The following HTR1E variants were observed in gnomAD, a reference collection of about 807,000 sequenced individuals.
HTR1E encodes 5-HT-1E.
In HTR1E, 3 loss-of-function variants were observed where a neutral mutation model predicts 3.4. The ratio of observed to expected loss-of-function variants is 0.89; its 90% confidence interval spans 0.41 to 2.31. The LOEUF is 2.31. HTR1E is among the 30% of genes most tolerant of loss of function. The pLI, the probability that HTR1E is intolerant of heterozygous loss-of-function variation, is 0.05. For synonymous variants in HTR1E, 170 were observed against 182.8 expected (o/e 0.93, Z 0.56); for missense variants, 392 against 467.0 (o/e 0.84, Z 1.48).
intron 1 of HTR1E, among the ~76,000 whole-genome samples, chr6:87,010,787 C>T (rs1768217393): frequency 6.6e-6 from 1 of 151,554 alleles, no homozygotes; most frequent in South Asian, 2.1e-4. Context: ...TTTGGGAGGC[C>T]AAGGCAGGCG....
At chr6:86,951,241 T>G (rs949805859) in intron 1 of HTR1E, among the ~76,000 whole-genome samples, 4 of 152,170 alleles carry the variant, frequency 2.6e-5, no homozygotes, top group African/African-American at 9.7e-5. Context: ...CGGGATGCAT[T>G]ATTTGGTTGA....
intron 1 of HTR1E, among the ~76,000 whole-genome samples, chr6:86,998,698 AAAGG>A (rs142573242): frequency 0.064 from 9,709 of 152,146 alleles, 499 homozygotes; most frequent in East Asian, 0.14. Flanking sequence ...AAAGTAAGTA[AAAGG>A]AAGGAAATAA....
At chr6:86,986,903 C>T (rs1427634865) in intron 1 of HTR1E, among the ~76,000 whole-genome samples, 1 of 152,036 alleles carries the variant, frequency 6.6e-6, no homozygotes, top group Non-Finnish European at 1.5e-5. Context: ...GCAAAGTCCC[C>T]TTGGCCTCTT....
chr6:86,987,735 C>G (rs1767810656), intron 1 of HTR1E, among the ~76,000 whole-genome samples: 1 of 152,136 alleles, frequency 6.6e-6, no homozygotes, highest in African/African-American at 2.4e-5. Flanking sequence ...ATTCCAAAAT[C>G]AAGACATTAG....
At chr6:86,983,905 T>C (rs718166) in intron 1 of HTR1E, among the ~76,000 whole-genome samples, 24,141 of 152,088 alleles carry the variant, frequency 0.16, 2,535 homozygotes, top group African/African-American at 0.29. Flanking sequence ...TCAAAGACCA[T>C]ATCCTGAATT....
chr6:86,998,231 C>G (rs1275702104), intron 1 of HTR1E, among the ~76,000 whole-genome samples: 1 of 151,924 alleles, frequency 6.6e-6, no homozygotes, highest in East Asian at 1.9e-4. Context: ...ACAAAACTAT[C>G]AAGCAAATTA....
chr6:87,009,055 A>AT (rs200180275), intron 1 of HTR1E, among the ~76,000 whole-genome samples: 9,530 of 141,778 alleles, frequency 0.067, 496 homozygotes, highest in East Asian at 0.14. Flanking sequence ...ACTTCTTTTT[A>AT]TTTTTTTTTT....
In HTR1E at chr6:86,945,666, C is replaced by G. The variant is rs376679896; in HGVS notation, c.-186+7843C>G. Among the ~76,000 whole-genome samples the G allele has an allele frequency of 7.2e-5, 11 of 152,104 alleles. No individual in the cohort carries two copies. In the East Asian group the frequency reaches 9.6e-4, roughly 13 times the overall value. ...TATACAATGTGTTTTAAGCTAAGTGCTATTACAAAAAGAGTCAAAAAGGTT... is the reference window on the plus strand; with the variant it reads ...TATACAATGTGTTTTAAGCTAAGTGGTATTACAAAAAGAGTCAAAAAGGTT... On this transcript the variant is annotated intron_variant, in intron 1 of 1. Coordinates refer to ENST00000305344, the MANE Select transcript of HTR1E (RefSeq NM_000865.3).
chr6:86,940,659 A>G lies in HTR1E; in HGVS notation c.-186+2836A>G, dbSNP rs1055297303. Among the ~76,000 whole-genome samples, 4 of 152,148 alleles carry G rather than the reference A, an allele frequency of 2.6e-5. No homozygotes were observed. In the South Asian group the frequency reaches 8.3e-4, roughly 32 times the overall value. On this transcript the variant is annotated intron_variant, in intron 1 of 1. Transcript: ENST00000305344. ...TTCCCTACATCTCACTTTTACACACAGATCATTTTTTTCATGTTTGTTTTG... is the reference window on the plus strand; with the variant it reads ...TTCCCTACATCTCACTTTTACACACGGATCATTTTTTTCATGTTTGTTTTG...
chr6:86,944,928 A>G (rs898296578), intron 1 of HTR1E, among the ~76,000 whole-genome samples: 6 of 144,044 alleles, frequency 4.2e-5, no homozygotes, highest in Admixed American at 6.9e-5. Context: ...TATGTATAGT[A>G]TATAATACTT....
intron 1 of HTR1E, among the ~76,000 whole-genome samples, chr6:86,983,880 T>C (rs1767748310): frequency 6.6e-6 from 1 of 152,072 alleles, no homozygotes. Context: ...AACCAATATA[T>C]AAAACTGAAG....
chr6:86,955,997 T>TA (rs1451774003), intron 1 of HTR1E, among the ~76,000 whole-genome samples: 2 of 152,068 alleles, frequency 1.3e-5, no homozygotes, highest in Non-Finnish European at 2.9e-5. Context: ...CACACCTCAT[T>TA]ATACCCTTCT....
At chr6:87,010,090 T>C (rs1231481448) in intron 1 of HTR1E, among the ~76,000 whole-genome samples, 22 of 95,178 alleles carry the variant, frequency 2.3e-4, no homozygotes, top group South Asian at 4.2e-4. Context: ...CCGGACGGGG[T>C]GGCTGGCCGG....
chr6:87,002,625 C>T (rs1453787456), intron 1 of HTR1E, among the ~76,000 whole-genome samples: 1 of 151,954 alleles, frequency 6.6e-6, no homozygotes, highest in East Asian at 1.9e-4. Flanking sequence ...GGTGTGTTTA[C>T]AATCCTTTAG....
chr6:86,964,178 G>T (rs2127820924), intron 1 of HTR1E, among the ~76,000 whole-genome samples: 1 of 152,238 alleles, frequency 6.6e-6, no homozygotes, highest in South Asian at 2.1e-4. Context: ...ATGTGACCGT[G>T]AAGAAAGCTC....
At chr6:87,009,657 A>C in intron 1 of HTR1E, among the ~76,000 whole-genome samples, 1 of 143,450 alleles carries the variant, frequency 7.0e-6, no homozygotes. Flanking sequence ...GGCGCCCCTC[A>C]CCTCCCGGAC....
At chr6:86,980,460 A>T (rs1298698966) in intron 1 of HTR1E, among the ~76,000 whole-genome samples, 1 of 152,094 alleles carries the variant, frequency 6.6e-6, no homozygotes, top group Non-Finnish European at 1.5e-5. Context: ...CAAGGCAAAC[A>T]GGCACCACCC....
At chr6:86,988,231 G>A (rs894274377) in intron 1 of HTR1E, among the ~76,000 whole-genome samples, 4 of 152,074 alleles carry the variant, frequency 2.6e-5, no homozygotes, top group Middle Eastern at 3.2e-3. Context: ...ATCAAAAGAG[G>A]ACCATGCCCT....
At chr6:86,946,614 T>C (rs1768620107) in intron 1 of HTR1E, among the ~76,000 whole-genome samples, 1 of 152,224 alleles carries the variant, frequency 6.6e-6, no homozygotes, top group Non-Finnish European at 1.5e-5. Context: ...TGACTATATG[T>C]TTCAGCTTCT....
Sources: gnomAD v4.1 joint callset for allele counts (sites outside exome capture counted in the v4.1 genomes callset) on GRCh38, gnomAD v4.1.1 for gene constraint, MANE v1.5 for transcripts, NCBI Gene and HGNC (gene_info 2026-07-23, HGNC 2026-07-21) for gene names.